TSPAN18: variants seen among roughly 807,000 people sequenced by gnomAD.
The protein encoded by TSPAN18 is tetraspanin-18.
Under a neutral mutation model 27.3 loss-of-function variants are expected in TSPAN18, and 14 were observed. The ratio of observed to expected loss-of-function variants is 0.51; its 90% confidence interval spans 0.34 to 0.80. TSPAN18 has a LOEUF of 0.80. TSPAN18 is among the 30% of genes least tolerant of loss of function. The pLI, the probability that TSPAN18 is intolerant of heterozygous loss-of-function variation, is 0.01. For missense variants in TSPAN18, 268 were observed against 323.9 expected (o/e 0.83, Z 1.32); for synonymous variants, 143 against 136.5 (o/e 1.05, Z -0.33).
chr11:44,849,600 C>T (rs886482331), intron 2 of TSPAN18, among the ~76,000 whole-genome samples: 7 of 152,154 alleles, frequency 4.6e-5, no homozygotes. Flanking sequence ...TCACAGCCAA[C>T]AGCAGTTCCC....
intron 3 of TSPAN18, among the ~76,000 whole-genome samples, chr11:44,902,883 C>T (rs1859313730): frequency 6.6e-6 from 1 of 152,134 alleles, no homozygotes; most frequent in African/African-American, 2.4e-5. Context: ...GGTTTGAATC[C>T]TTGTTGCTCC....
chr11:44,786,712 AC>A (rs1419896516), intron 2 of TSPAN18, among the ~76,000 whole-genome samples: 1 of 145,740 alleles, frequency 6.9e-6, no homozygotes, highest in African/African-American at 2.6e-5. Flanking sequence ...GCTCACTGCA[AC>A]CTCTGTCCCC....
At chr11:44,806,004 TG>T (rs1856584739) in intron 2 of TSPAN18, among the ~76,000 whole-genome samples, 1 of 151,886 alleles carries the variant, frequency 6.6e-6, no homozygotes, top group Admixed American at 6.6e-5. Context: ...GCAGAGGTTT[TG>T]GGTAGACACA....
At chr11:44,752,084 G>A (rs1855224019) in intron 1 of TSPAN18, among the ~76,000 whole-genome samples, 1 of 152,060 alleles carries the variant, frequency 6.6e-6, no homozygotes, top group Non-Finnish European at 1.5e-5. Flanking sequence ...CTAGCACTAG[G>A]CCCCAACACA....
At chr11:44,862,798 C>A (rs1446018601) in intron 3 of TSPAN18, among the ~76,000 whole-genome samples, 4 of 152,214 alleles carry the variant, frequency 2.6e-5, no homozygotes, top group African/African-American at 9.6e-5. Flanking sequence ...GTAAAGCCCC[C>A]ACCTGTGCCT....
At chr11:44,887,817 G>A (rs910838338) in intron 3 of TSPAN18, among the ~76,000 whole-genome samples, 2 of 152,142 alleles carry the variant, frequency 1.3e-5, no homozygotes, top group Non-Finnish European at 2.9e-5. Context: ...AGTACCCAGC[G>A]CTCCCCTGGC....
At chr11:44,760,749 G>GTAGT (rs1565137080) in intron 1 of TSPAN18, among the ~76,000 whole-genome samples, 2 of 152,190 alleles carry the variant, frequency 1.3e-5, no homozygotes, top group Non-Finnish European at 2.9e-5. Context: ...TATACTCATC[G>GTAGT]TAGTTACTGC....
chr11:44,855,443 A>T (rs1857709649), intron 2 of TSPAN18, among the ~76,000 whole-genome samples: 1 of 152,226 alleles, frequency 6.6e-6, no homozygotes, highest in Non-Finnish European at 1.5e-5. Context: ...TTAAAAAGCA[A>T]GCATTCGACA....
chr11:44,908,834 A>AGAGAG (rs1859603287), intron 4 of TSPAN18, among the ~76,000 whole-genome samples: 1 of 142,776 alleles, frequency 7.0e-6, no homozygotes, highest in African/African-American at 2.7e-5. Context: ...AAAGAAAAAG[A>AGAGAG]AAAATGGAGC....
intron 2 of TSPAN18, among the ~76,000 whole-genome samples, chr11:44,787,910 C>A (rs1314060784): frequency 6.9e-6 from 1 of 145,388 alleles, no homozygotes; most frequent in East Asian, 2.7e-4. Flanking sequence ...CCCCTCGTTA[C>A]AACACAGGCA....
chr11:44,745,830 C>A (rs201853112), intron 1 of TSPAN18, among the ~76,000 whole-genome samples: 4 of 152,110 alleles, frequency 2.6e-5, no homozygotes, highest in Admixed American at 1.3e-4. Context: ...GATCGAGACC[C>A]TCCTGGCTAA....
At chr11:44,878,234 C>T (rs565366557) in intron 3 of TSPAN18, among the ~76,000 whole-genome samples, 4 of 152,212 alleles carry the variant, frequency 2.6e-5, no homozygotes, top group South Asian at 2.1e-4. Flanking sequence ...CCAATTAGAG[C>T]GGCAGCGGAC....
At chr11:44,852,479 A>C (rs1480384215) in intron 2 of TSPAN18, among the ~76,000 whole-genome samples, 3 of 152,050 alleles carry the variant, frequency 2.0e-5, no homozygotes, top group Admixed American at 6.6e-5. Flanking sequence ...ATGTTTATTG[A>C]GTGACTGAAT....
chr11:44,733,493 A>C (rs1428585340), intron 1 of TSPAN18, among the ~76,000 whole-genome samples: 1 of 152,088 alleles, frequency 6.6e-6, no homozygotes, highest in South Asian at 2.1e-4. Context: ...GGCTTACTGA[A>C]ATTTACTGCT....
chr11:44,849,744 A>G (rs1857558517), intron 2 of TSPAN18, among the ~76,000 whole-genome samples: 1 of 152,200 alleles, frequency 6.6e-6, no homozygotes. Context: ...AGGAAAGCAC[A>G]GGCCATGGCA....
intron 8 of TSPAN18, among the ~76,000 whole-genome samples, chr11:44,921,752 G>A (rs1018510633): frequency 3.3e-5 from 5 of 152,188 alleles, no homozygotes; most frequent in Admixed American, 6.5e-5. Flanking sequence ...TGAGATGCCC[G>A]TTGCCAACAG....
At chr11:44,799,013 G>C (rs1856414526) in intron 2 of TSPAN18, among the ~76,000 whole-genome samples, 2 of 104,472 alleles carry the variant, frequency 1.9e-5, no homozygotes, top group South Asian at 7.1e-4. Flanking sequence ...TTTGTGTCAT[G>C]CTCTGCACCC....
intron 9 of TSPAN18, among the ~76,000 whole-genome samples, chr11:44,927,579 G>A (rs1410578879): frequency 6.6e-6 from 1 of 152,232 alleles, no homozygotes; most frequent in Non-Finnish European, 1.5e-5. Flanking sequence ...GGCTACTGCA[G>A]ATGGCGGAGA....
intron 5 of TSPAN18, among the ~76,000 whole-genome samples, chr11:44,913,817 T>A (rs988413037): frequency 7.9e-5 from 12 of 152,372 alleles, no homozygotes; most frequent in Non-Finnish European, 1.5e-4. Flanking sequence ...AAGGTGTCCT[T>A]AGGCAAATGG....
Sources: gnomAD v4.1 joint callset for allele counts (sites outside exome capture counted in the v4.1 genomes callset) on GRCh38, gnomAD v4.1.1 for gene constraint, MANE v1.5 for transcripts, NCBI Gene and HGNC (gene_info 2026-07-23, HGNC 2026-07-21) for gene names.